The following ANK2 variants were observed in gnomAD, a reference collection of about 807,000 sequenced individuals.
The protein encoded by ANK2 is ankyrin 2.
A neutral mutation model predicts 360.5 loss-of-function variants in ANK2; 83 were observed. That is an observed-to-expected ratio of 0.23 (90% CI 0.19 to 0.28). The LOEUF is 0.28. ANK2 is among the 10% of genes least tolerant of loss of function. ANK2 has a pLI of 1.00. For missense variants in ANK2, 4,201 were observed against 4,795.7 expected (o/e 0.88, Z 3.66); for synonymous variants, 1,740 against 1,759.5 (o/e 0.99, Z 0.28).
At chr4:113,318,434 T>G (rs1321110743) in intron 25 of ANK2, 83 bp from the exon 26 acceptor site, 2 of 1,114,506 alleles carry the variant, frequency 1.8e-6, no homozygotes, top group Non-Finnish European at 1.3e-6. Context: ...CACTTTCCAG[T>G]GATGACACTT....
chr4:113,143,318 A>G (rs929601878), intron 1 of ANK2, among the ~76,000 whole-genome samples: 1 of 34,882 alleles, frequency 2.9e-5, no homozygotes, highest in Non-Finnish European at 5.8e-5. Context: ...TGGGTATTGT[A>G]TTAATGAGAC....
At chr4:112,873,755 A>G (rs1260111696) in intron 1 of ANK2, among the ~76,000 whole-genome samples, 2 of 150,216 alleles carry the variant, frequency 1.3e-5, no homozygotes, top group African/African-American at 4.9e-5. Flanking sequence ...CGTGTTAGCC[A>G]GGATGGTCTT....
chr4:112,997,825 T>A (rs1440065723), intron 2 of ANK2, among the ~76,000 whole-genome samples: 1 of 151,530 alleles, frequency 6.6e-6, no homozygotes, highest in East Asian at 1.9e-4. Flanking sequence ...TATATGCACA[T>A]ATATACAAAT....
intron 2 of ANK2, among the ~76,000 whole-genome samples, chr4:112,957,153 A>G (rs2095377677): frequency 6.7e-6 from 1 of 150,260 alleles, no homozygotes; most frequent in African/African-American, 2.5e-5. Flanking sequence ...TAGGCAGAGG[A>G]CCCTGCGGCC....
chr4:112,934,416 A>G (rs764096947), intron 2 of ANK2, among the ~76,000 whole-genome samples: 7 of 152,106 alleles, frequency 4.6e-5, no homozygotes, highest in Non-Finnish European at 1.0e-4. Flanking sequence ...TTTTCATTTT[A>G]TCCAGAACAT....
At chr4:113,251,884 C>T (rs1197193867) in intron 10 of ANK2, among the ~76,000 whole-genome samples, 1 of 152,032 alleles carries the variant, frequency 6.6e-6, no homozygotes, top group East Asian at 1.9e-4. Context: ...GTAATAAACA[C>T]AGAGAAGATG....
intron 45 of ANK2, among the ~76,000 whole-genome samples, chr4:113,381,203 T>G (rs2097160830): frequency 6.6e-6 from 1 of 152,176 alleles, no homozygotes; most frequent in Admixed American, 6.5e-5. Flanking sequence ...ATTTTAAATT[T>G]TTCTTAAAGA....
At position 112,830,240 on chromosome 4, in the gene ANK2, G is replaced by A. The variant is rs559054961; in HGVS notation, c.-40+11976G>A. ...CACTACTCACAACAGCAAAGACATG[G>A]AATCAACCTAAAAGCCCATCAACAG... On this transcript the variant is annotated intron_variant, in intron 1 of 30. Coordinates refer to the ANK2 transcript ENST00000503271. 2.1e-4 allele frequency among the ~76,000 whole-genome samples: 32 copies of A among 152,244 alleles called. No homozygotes were observed. In the South Asian group the frequency reaches 4.4e-3, roughly 21 times the overall value.
At chr4:113,118,546 A>T (rs1199337909) in intron 1 of ANK2, among the ~76,000 whole-genome samples, 1 of 152,158 alleles carries the variant, frequency 6.6e-6, no homozygotes, top group Non-Finnish European at 1.5e-5. Flanking sequence ...TTTACTACTT[A>T]TCTCACCACC....
At chr4:113,198,637 G>A (rs1424501134) in intron 3 of ANK2, among the ~76,000 whole-genome samples, 1 of 152,052 alleles carries the variant, frequency 6.6e-6, no homozygotes, top group African/African-American at 2.4e-5. Context: ...GAAACTCAAT[G>A]TTTCAGTAAA....
chr4:112,820,049 T>C (rs1363129787), intron 1 of ANK2, among the ~76,000 whole-genome samples: 1 of 152,236 alleles, frequency 6.6e-6, no homozygotes. Flanking sequence ...CAGACACACA[T>C]TTCCTGCTTC....
the ANK2 span, among the ~76,000 whole-genome samples, chr4:112,777,051 T>C: frequency 6.6e-6 from 1 of 152,150 alleles, no homozygotes; most frequent in African/African-American, 2.4e-5. Context: ...AAAATAAAAA[T>C]AATATGAGTT....
chr4:113,237,699 A>G, intron 7 of ANK2, 77 bp downstream of exon 7: 1 of 1,254,362 alleles, frequency 8.0e-7, no homozygotes, highest in Non-Finnish European at 1.2e-6. Flanking sequence ...AATGCTCACT[A>G]ATTCATACTA....
At chr4:112,999,248 A>G (rs1309170320) in intron 2 of ANK2, among the ~76,000 whole-genome samples, 1 of 150,856 alleles carries the variant, frequency 6.6e-6, no homozygotes, top group Admixed American at 6.6e-5. Context: ...ATGGTAAGGA[A>G]TGCAGTTTCA....
At chr4:112,835,113 G>C (rs1335846291) in intron 1 of ANK2, among the ~76,000 whole-genome samples, 1 of 152,190 alleles carries the variant, frequency 6.6e-6, no homozygotes, top group East Asian at 1.9e-4. Flanking sequence ...GGTGGTGTCA[G>C]CCTCATCTAC....
In ANK2 at chr4:113,355,044, A is replaced by G; in HGVS notation, c.6426A>G (p.Gln2142=). ...TSTDFSEVIK[Q]ELEDNDKYQQ... ...CTGACTTCTCTGAGGTCATTAAGCAAGAGTTGGAAGACAATGACAAATACC... is the reference window on the plus strand; with the variant it reads ...CTGACTTCTCTGAGGTCATTAAGCAGGAGTTGGAAGACAATGACAAATACC... The change falls in exon 38 of 46, where the codon CAA becomes CAG. Residue 2142 remains glutamine (Q), a synonymous_variant. Coordinates refer to ENST00000357077, the MANE Select transcript of ANK2 (RefSeq NM_001148.6). 6.2e-7 allele frequency: 1 copy of G among 1,614,100 alleles called. No individual in the cohort carries two copies. The highest frequency in any genetic ancestry group is 8.5e-7 in the Non-Finnish European group (1 of 1,179,984).
At chr4:112,866,183 A>T (rs2070455277) in intron 1 of ANK2, among the ~76,000 whole-genome samples, 1 of 152,232 alleles carries the variant, frequency 6.6e-6, no homozygotes, top group Admixed American at 6.5e-5. Flanking sequence ...GTTACTGGGC[A>T]TCTACTTTGT....
At chr4:113,132,571 T>C (rs1186921087) in intron 1 of ANK2, among the ~76,000 whole-genome samples, 2 of 152,160 alleles carry the variant, frequency 1.3e-5, no homozygotes, top group Non-Finnish European at 2.9e-5. Flanking sequence ...GATGGTAGCT[T>C]CTCAGCCAGA....
chr4:112,754,542 A>G, the ANK2 span, among the ~76,000 whole-genome samples: 13 of 151,504 alleles, frequency 8.6e-5, no homozygotes, highest in South Asian at 2.1e-3. Flanking sequence ...TATGTTAAAA[A>G]CTTTTAATGA....
Sources: gnomAD v4.1 joint callset for allele counts (sites outside exome capture counted in the v4.1 genomes callset) on GRCh38, gnomAD v4.1.1 for gene constraint, MANE v1.5 for transcripts, NCBI Gene and HGNC (gene_info 2026-07-23, HGNC 2026-07-21) for gene names.